TPRG1: variants seen among roughly 807,000 people sequenced by gnomAD.
TPRG1 encodes the protein tumor protein p63-regulated gene 1 protein.
A neutral mutation model predicts 29.3 loss-of-function variants in TPRG1; 29 were observed. That is an observed-to-expected ratio of 0.99 (90% CI 0.74 to 1.35). The LOEUF is 1.35. Ranked by LOEUF, TPRG1 falls within the 40% of genes most tolerant of loss-of-function variation. The pLI is 0.00. For missense variants in TPRG1, 327 were observed against 335.0 expected (o/e 0.98, Z 0.19); for synonymous variants, 130 against 116.8 (o/e 1.11, Z -0.73).
chr3:189,137,081 G>T (rs1053599362), intron 3 of TPRG1, among the ~76,000 whole-genome samples: 1 of 152,162 alleles, frequency 6.6e-6, no homozygotes, highest in Admixed American at 6.5e-5. Context: ...CCAGCAAGGT[G>T]GTAGAGCTAG....
At chr3:189,057,845 TGTATATATATACACACATAC>T (rs1715825715) in intron 4 of TPRG1, among the ~76,000 whole-genome samples, 1 of 112,122 alleles carries the variant, frequency 8.9e-6, no homozygotes, top group Non-Finnish European at 1.6e-5. Flanking sequence ...TATGTATGTG[TGTATATATATACACACATAC>T]GTATGTGTGT....
At chr3:189,149,004 C>T (rs1171466428) in intron 4 of TPRG1, among the ~76,000 whole-genome samples, 1 of 152,238 alleles carries the variant, frequency 6.6e-6, no homozygotes, top group South Asian at 2.1e-4. Flanking sequence ...ATGTGACTAT[C>T]TCTGCTCTGG....
intron 1 of TPRG1, among the ~76,000 whole-genome samples, chr3:189,189,220 T>C (rs1226003505): frequency 1.3e-5 from 2 of 152,162 alleles, no homozygotes; most frequent in East Asian, 3.8e-4. Context: ...AAATGTTTTT[T>C]TATACATATC....
chr3:189,105,339 A>G (rs1314004660), intron 1 of TPRG1, among the ~76,000 whole-genome samples: 1 of 152,114 alleles, frequency 6.6e-6, no homozygotes, highest in Non-Finnish European at 1.5e-5. Context: ...TGGCCCTCAG[A>G]TGGAATGTAA....
upstream of TPRG1, among the ~76,000 whole-genome samples, chr3:189,098,729 C>A (rs868562414): frequency 1.2e-4 from 19 of 152,140 alleles, no homozygotes; most frequent in African/African-American, 4.6e-4. Flanking sequence ...AGAAGTAGAG[C>A]CCGCATTCTG....
chr3:189,270,112 G>A (rs982503460), intron 4 of TPRG1, among the ~76,000 whole-genome samples: 2 of 150,668 alleles, frequency 1.3e-5, no homozygotes, highest in African/African-American at 4.9e-5. Context: ...TTCAAAGTCC[G>A]ATCTTCAGAA....
intron 4 of TPRG1, among the ~76,000 whole-genome samples, chr3:189,258,978 C>G (rs548246907): frequency 1.3e-5 from 2 of 152,182 alleles, no homozygotes; most frequent in African/African-American, 4.8e-5. Context: ...CCACTTGGCT[C>G]CCTGGCTTCA....
At chr3:189,151,810 G>T (rs1410738868) in intron 5 of TPRG1, among the ~76,000 whole-genome samples, 1 of 152,112 alleles carries the variant, frequency 6.6e-6, no homozygotes, top group African/African-American at 2.4e-5. Flanking sequence ...GAACCTGGGA[G>T]GCAGAGGTTG....
At chr3:189,289,874 A>G (rs533830251) in intron 4 of TPRG1, among the ~76,000 whole-genome samples, 2 of 152,342 alleles carry the variant, frequency 1.3e-5, no homozygotes, top group South Asian at 2.1e-4. Context: ...CTCAGGTAAC[A>G]GAGTTGTTAT....
chr3:189,265,736 A>G (rs908697468), intron 4 of TPRG1, among the ~76,000 whole-genome samples: 1 of 152,166 alleles, frequency 6.6e-6, no homozygotes, highest in Non-Finnish European at 1.5e-5. Context: ...TCTGTCTGTC[A>G]TGTGGATGTA....
chr3:189,248,447 T>C (rs772329709), intron 4 of TPRG1, among the ~76,000 whole-genome samples: 60 of 151,718 alleles, frequency 4.0e-4, no homozygotes, highest in Non-Finnish European at 7.5e-4. Context: ...GAATTCTTTT[T>C]TTTCTCATTC....
At chr3:189,284,985 CA>C (rs1354918691) in intron 4 of TPRG1, among the ~76,000 whole-genome samples, 2 of 152,102 alleles carry the variant, frequency 1.3e-5, no homozygotes, top group African/African-American at 4.8e-5. Flanking sequence ...AAGAAACTAC[CA>C]TCTGAGTGAA....
At chr3:189,178,806 T>C (rs1270129924) in intron 1 of TPRG1, among the ~76,000 whole-genome samples, 5 of 152,252 alleles carry the variant, frequency 3.3e-5, no homozygotes, top group Non-Finnish European at 7.3e-5. Context: ...TATAACAGTT[T>C]TACTTAGCCA....
intron 4 of TPRG1, among the ~76,000 whole-genome samples, chr3:189,070,937 C>A (rs1716776482): frequency 6.6e-6 from 1 of 151,838 alleles, no homozygotes; most frequent in Non-Finnish European, 1.5e-5. Context: ...TGAAGGAAGG[C>A]CTGTTGATTG....
chr3:189,154,523 C>A (rs985090583), intron 5 of TPRG1, among the ~76,000 whole-genome samples: 2 of 151,510 alleles, frequency 1.3e-5, no homozygotes, highest in Non-Finnish European at 2.9e-5. Context: ...CTCACTGCAA[C>A]CTCCACCTCC....
At chr3:189,181,871 G>A (rs916154390) in intron 1 of TPRG1, among the ~76,000 whole-genome samples, 13 of 152,262 alleles carry the variant, frequency 8.5e-5, no homozygotes, top group South Asian at 2.1e-4. Context: ...GGCAATTTAT[G>A]AAAGAAAGAG....
intron 1 of TPRG1, among the ~76,000 whole-genome samples, chr3:189,112,973 G>A (rs1403244365): frequency 2.0e-5 from 3 of 152,104 alleles, no homozygotes; most frequent in Non-Finnish European, 4.4e-5. Context: ...GGGCAGTATG[G>A]CCATTTTCAC....
chr3:189,263,799 T>C (rs968744033), intron 4 of TPRG1, among the ~76,000 whole-genome samples: 4 of 152,204 alleles, frequency 2.6e-5, no homozygotes, highest in Admixed American at 2.6e-4. Flanking sequence ...AAATCAGAAG[T>C]GCATCTTGAT....
chr3:189,320,367 C>A (rs1560701062), intron 5 of TPRG1, among the ~76,000 whole-genome samples: 1 of 151,946 alleles, frequency 6.6e-6, no homozygotes, highest in African/African-American at 2.4e-5. Context: ...GGATGATAAA[C>A]AAACTGAAAA....
Sources: allele counts gnomAD v4.1 joint callset (sites outside exome capture counted in the v4.1 genomes callset), GRCh38; gene constraint gnomAD v4.1.1; transcripts MANE v1.5; gene names NCBI Gene and HGNC (gene_info 2026-07-23, HGNC 2026-07-21).